The following ADGRD2 variants were observed in gnomAD, a reference collection of about 807,000 sequenced individuals.
ADGRD2 encodes the protein adhesion G protein-coupled receptor D2.
Under a neutral mutation model 44.4 loss-of-function variants are expected in ADGRD2, and 71 were observed. The ratio of observed to expected loss-of-function variants is 1.60; its 90% CI spans 1.32 to 1.95. The LOEUF is 1.95. ADGRD2 is among the 30% of genes most tolerant of loss of function. The pLI, the probability that ADGRD2 is intolerant of heterozygous loss-of-function variation, is 0.00. For synonymous variants in ADGRD2, 481 were observed against 224.8 expected, an observed-to-expected ratio of 2.14 and a Z score of -10.19; for missense variants, 1,039 against 512.4, an observed-to-expected ratio of 2.03 and a Z score of -9.92.
exon 10 of ADGRD2, chr9:124,458,637 G>A (rs1831664531): frequency 2.8e-6 from 2 of 718,696 alleles, no homozygotes; most frequent in South Asian, 1.5e-5. Context: ...CCCAGGTGGG[G>A]TCAGCCATCA....
In ADGRD2 at chr9:124,453,051, C is replaced by A. The variant is rs114668573; in HGVS notation, c.300C>A (p.Ala100=). 3,198 of 672,994 alleles carry A rather than the reference C, an allele frequency of 4.8e-3. 82 individuals carry two copies. The African/African-American group carries it at 0.049, about 10-fold the overall frequency. 41.7% of individuals were successfully genotyped at this position (672,994 alleles called of 1,614,324 possible). Residue 100 remains alanine (A), a synonymous_variant, in exon 3 of 22, where the codon GCC becomes GCA. Coordinates refer to ENST00000334810, the Ensembl canonical transcript of ADGRD2. Reference sequence around the variant, plus strand: ...TCCCTGCAGGTGCGCGCACCACCGCCGTGCTGGTGTTCGACGAGAGGACGG... The same window carrying A: ...TCCCTGCAGGTGCGCGCACCACCGCAGTGCTGGTGTTCGACGAGAGGACGG...
chr9:124,450,854 A>AT (rs2131215251), upstream of ADGRD2, among the ~76,000 whole-genome samples: 1 of 152,374 alleles, frequency 6.6e-6, no homozygotes, highest in African/African-American at 2.4e-5. Context: ...ACCAGGTGGC[A>AT]TGAGGCCAGG....
Position 124,453,987 on chromosome 9 carries a change from T to C in ADGRD2, c.924-12T>C. 1.5e-6 allele frequency: 1 copy of C among 669,884 alleles called. No homozygotes were observed. The highest frequency in any genetic ancestry group is 2.7e-6 in the Non-Finnish European group (1 of 365,402). 41.5% of individuals were successfully genotyped at this position (669,884 alleles called of 1,614,324 possible). On this transcript the variant is annotated splice_polypyrimidine_tract_variant and intron_variant, in intron 3 of 21. Transcript: ENST00000334810. ...CCCTAGGGAGCCCTGACAGCTCCCC[T>C]GCCCCTGCCAGTGCCCTCCGAGGAG...
At chr9:124,467,074 T>G (rs1449708688) in intron 11 of ADGRD2, 1 of 152,988 alleles carries the variant, frequency 6.5e-6, no homozygotes, top group African/African-American at 2.4e-5. Context: ...GGCTCCCACC[T>G]GTAATCCGAC....
intron 10 of ADGRD2, among the ~76,000 whole-genome samples, chr9:124,464,996 G>A (rs569467362): frequency 3.3e-5 from 5 of 152,126 alleles, no homozygotes; most frequent in Admixed American, 2.0e-4. Flanking sequence ...GAGGAGAGGC[G>A]CAGTTGCTTA....
In ADGRD2 at chr9:124,454,361, C is replaced by CA; in HGVS notation, c.1023-122dup. 1.6e-6 allele frequency: 1 copy of CA among 623,956 alleles called. No individual in the cohort carries two copies. The highest frequency in any genetic ancestry group is 2.9e-6 in the Non-Finnish European group (1 of 340,184). The allele number at this position is 623,956 out of a possible 1,614,324, so 38.7% of individuals were successfully genotyped here. ...AACACCGTGTGTAAGACTCTGGACACACAGCCATCAAGGTGCTCTTCCTTC... is the reference window on the plus strand; with the variant it reads ...AACACCGTGTGTAAGACTCTGGACACAACAGCCATCAAGGTGCTCTTCCTTC... On this transcript the variant is annotated intron_variant, in intron 4 of 21. Transcript: ENST00000334810. This position sits in a 1 kb window ranked among gnomAD's most constrained non-coding sequence, Gnocchi z 4.5.
chr9:124,477,573 G>C (rs926926573), intron 21 of ADGRD2, among the ~76,000 whole-genome samples: 2 of 152,350 alleles, frequency 1.3e-5, no homozygotes, highest in East Asian at 1.9e-4. Context: ...CACAGAGCCA[G>C]AGCCAGGTCC....
At chr9:124,476,629 GGCA>G in intron 20 of ADGRD2, 47 bp from the exon 24 acceptor site, 1 of 687,642 alleles carries the variant, frequency 1.5e-6, no homozygotes, top group South Asian at 1.5e-5. Flanking sequence ...CAGGGCAAGG[GGCA>G]GCAGAAGGAG....
At chr9:124,451,997 G>GCCGGGGGGGGGCC (rs1831481509), upstream of ADGRD2, 1 of 360,938 alleles carries the variant, frequency 2.8e-6, no homozygotes. Context: ...TCCACTGAAT[G>GCCGGGGGGGGGCC]CCCCCCTCCC....
At chr9:124,460,647 T>A (rs1171286526) in intron 10 of ADGRD2, among the ~76,000 whole-genome samples, 1 of 151,950 alleles carries the variant, frequency 6.6e-6, no homozygotes, top group African/African-American at 2.4e-5. Flanking sequence ...CATTCCTTTT[T>A]CACTGCTGAG....
chr9:124,454,462 C>G lies in ADGRD2; in HGVS notation c.1023-22C>G. On this transcript the variant is annotated intron_variant, in intron 4 of 21. Coordinates refer to ENST00000334810, the Ensembl canonical transcript of ADGRD2. This position sits in a 1 kb window ranked among gnomAD's most constrained non-coding sequence, Gnocchi z 4.5. Reference sequence around the variant, plus strand: ...GGCAGGGGTATTGCCCGGGGCCTAGCCTGGCATCCACTCCTTTGCAGAGCC... The same window carrying G: ...GGCAGGGGTATTGCCCGGGGCCTAGGCTGGCATCCACTCCTTTGCAGAGCC... The G allele has an allele frequency of 1.4e-6, 1 of 701,292 alleles. No homozygotes were observed. 43.4% of individuals were successfully genotyped at this position (701,292 alleles called of 1,614,324 possible).
chr9:124,468,981 C>G (rs975664917), intron 14 of ADGRD2, among the ~76,000 whole-genome samples: 1 of 152,190 alleles, frequency 6.6e-6, no homozygotes, highest in Non-Finnish European at 1.5e-5. Flanking sequence ...GCCCAGCCTC[C>G]GTCTCCAGAG....
chr9:124,469,259 G>A (rs1412843808), exon 15 of ADGRD2: 1 of 717,038 alleles, frequency 1.4e-6, no homozygotes. Context: ...CCCTGGCCAT[G>A]CTCCCCCATG....
intron 7 of ADGRD2, 108 bp downstream of exon 10, chr9:124,456,841 CT>C: frequency 1.5e-6 from 1 of 676,132 alleles, no homozygotes; most frequent in South Asian, 1.6e-5. Context: ...TATTTCCTGC[CT>C]TTGCCCATGC....
exon 7 of ADGRD2, chr9:124,456,676 C>T (rs981954639): frequency 2.8e-6 from 2 of 716,718 alleles, no homozygotes; most frequent in Non-Finnish European, 2.6e-6. Flanking sequence ...GGCACCCCTG[C>T]TGAGCACCTC....
chr9:124,452,021 G>T, upstream of ADGRD2: 2 of 289,046 alleles, frequency 6.9e-6, no homozygotes, highest in Non-Finnish European at 1.4e-5. Context: ...CACCCCCAGA[G>T]TAGGCATTCA....
At chr9:124,471,536 T>C (rs2131256806) in intron 17 of ADGRD2, among the ~76,000 whole-genome samples, 1 of 152,226 alleles carries the variant, frequency 6.6e-6, no homozygotes, top group East Asian at 1.9e-4. Flanking sequence ...CCTATTTGTA[T>C]CTCCCAATAA....
chr9:124,451,199 G>C (rs1323264358), upstream of ADGRD2: 1 of 472,104 alleles, frequency 2.1e-6, no homozygotes, highest in South Asian at 1.5e-5. Flanking sequence ...GCGGTGGACA[G>C]GTGAGGCCAG....
chr9:124,454,666 G>A lies in ADGRD2; in HGVS notation c.1108+97G>A, dbSNP rs1831579396. ...CTTGTAAAGGGGACACCCACCTGGT[G>A]TGTCTGCAGGAATAAAGGCCATTCA... On this transcript the variant is annotated intron_variant, in intron 5 of 21. Coordinates refer to ENST00000334810, the Ensembl canonical transcript of ADGRD2. This position sits in a 1 kb window ranked among gnomAD's most constrained non-coding sequence, Gnocchi z 4.5. 2 of 662,582 alleles carry A rather than the reference G, an allele frequency of 3.0e-6. No individual in the cohort carries two copies. Among genetic ancestry groups the A allele is most frequent in the African/African-American group, 3.6e-5 (2 of 56,264 alleles). 41.0% of individuals were successfully genotyped at this position (662,582 alleles called of 1,614,324 possible).
Sources: allele counts gnomAD v4.1 joint callset (sites outside exome capture counted in the v4.1 genomes callset), GRCh38; gene constraint gnomAD v4.1.1; non-coding constraint Gnocchi (gnomAD v3.1); transcripts MANE v1.5; gene names NCBI Gene and HGNC (gene_info 2026-07-23, HGNC 2026-07-21).